The following KIAA0232 variants were observed in gnomAD, a reference collection of about 807,000 sequenced individuals.
The protein encoded by KIAA0232 is KIAA0232.
Under a neutral mutation model 122.0 loss-of-function variants are expected in KIAA0232, and 27 were observed. The ratio of observed to expected loss-of-function variants is 0.22; its 90% CI spans 0.16 to 0.31. The LOEUF is 0.31. KIAA0232 is among the 10% of genes least tolerant of loss of function. The pLI, the probability that KIAA0232 is intolerant of heterozygous loss-of-function variation, is 1.00. For synonymous variants in KIAA0232, 613 were observed against 587.6 expected (o/e 1.04, Z -0.63); for missense variants, 1,551 against 1,634.2 (o/e 0.95, Z 0.88).
rs1266608050 is a variant in KIAA0232, at chr4:6,825,629, G to GA, written c.231+952dup. On this transcript the variant is annotated intron_variant, in intron 3 of 9. Coordinates refer to ENST00000307659, the MANE Select transcript of KIAA0232 (RefSeq NM_014743.3). ...CAAGAGAAACCAAATACAGGTTCTT[G>GA]AAAAAAATGTTAACCTCAGTCTCAT... is the stretch of plus-strand genomic sequence containing the variant. Among the ~76,000 whole-genome samples the GA allele has an allele frequency of 4.6e-5, 7 of 151,996 alleles. 1 individual carries two copies. The South Asian group carries it at 1.0e-3, about 23-fold the overall frequency.
chr4:6,796,522 G>A lies in KIAA0232; in HGVS notation c.-353-8001G>A, dbSNP rs1183919270. On this transcript the variant is annotated intron_variant, in intron 1 of 9. Coordinates refer to ENST00000307659, the MANE Select transcript of KIAA0232 (RefSeq NM_014743.3). ...CTCCCAAAGTGCTGGGATTGCAGGC[G>A]TGAGCCACCACACCCGACCATATTG... 3.9e-5 allele frequency among the ~76,000 whole-genome samples: 6 copies of A among 152,342 alleles called. No individual in the cohort carries two copies. In the Middle Eastern group the frequency reaches 0.014, roughly 345 times the overall value.
In KIAA0232 at chr4:6,791,614, C is replaced by G. The variant is rs528745661; in HGVS notation, c.-354+8773C>G. The stretch of plus-strand genomic sequence containing the variant: ...AAAATGCTGGGATTACAGGCGTAAA[C>G]CACTATGCCTGGACTCAAGCCGACT... On this transcript the variant is annotated intron_variant, in intron 1 of 9. Transcript: ENST00000307659. Among the ~76,000 whole-genome samples the G allele has an allele frequency of 3.9e-5, 6 of 152,246 alleles. No individual in the cohort carries two copies. In the East Asian group the frequency reaches 1.2e-3, roughly 29 times the overall value.
At chr4:6,844,627 G>A (rs1719857029) in intron 4 of KIAA0232, among the ~76,000 whole-genome samples, 1 of 151,974 alleles carries the variant, frequency 6.6e-6, no homozygotes, top group African/African-American at 2.4e-5. Flanking sequence ...GTAGAGATGG[G>A]GTTTCACTGT....
rs199864427 is a variant in KIAA0232 at position 6,855,251 on chromosome 4, A to AT, written c.370-1905dup. 7.7e-3 allele frequency among the ~76,000 whole-genome samples: 1,166 copies of AT among 151,520 alleles called. 16 individuals carry two copies. The highest frequency in any genetic ancestry group is 0.026 in the African/African-American group (1,089 of 41,246). The stretch of plus-strand genomic sequence containing the variant: ...AGGTGCCTGCCACCACGCCCAGCTA[A>AT]TTTTTTTTGTATTTTTAGTAGAAAC... On this transcript the variant is annotated intron_variant, in intron 4 of 9. Coordinates refer to ENST00000307659, the MANE Select transcript of KIAA0232 (RefSeq NM_014743.3). The surrounding 1 kb of genome is among the most constrained non-coding windows in gnomAD (Gnocchi z 4.3).
Position 6,817,421 on chromosome 4 carries a change from T to C in KIAA0232, c.-269-6764T>C, listed in dbSNP as rs369696691. 4.7e-3 allele frequency among the ~76,000 whole-genome samples: 715 copies of C among 152,278 alleles called. 4 individuals are homozygous for C. The highest frequency in any genetic ancestry group is 0.016 in the African/African-American group (669 of 41,548). Reference sequence around the variant, plus strand: ...TTTAGTAGACGGGGTTTCACCGTGTTAGCCAGGATGGTCTCGATCTCCTGA... The same window carrying C: ...TTTAGTAGACGGGGTTTCACCGTGTCAGCCAGGATGGTCTCGATCTCCTGA... On this transcript the variant is annotated intron_variant, in intron 2 of 9. Coordinates refer to ENST00000307659, the MANE Select transcript of KIAA0232 (RefSeq NM_014743.3).
intron 2 of KIAA0232, among the ~76,000 whole-genome samples, chr4:6,810,910 T>A (rs981924120): frequency 6.6e-6 from 1 of 152,152 alleles, no homozygotes; most frequent in South Asian, 2.1e-4. Flanking sequence ...AGAATGGCTA[T>A]TATTAAAAAG....
Position 6,863,529 on chromosome 4 carries a change from A to C in KIAA0232, c.3147A>C (p.Ser1049=), listed in dbSNP as rs747448447. 4 of 1,614,192 alleles carry C rather than the reference A, an allele frequency of 2.5e-6. No individual in the cohort carries two copies. Among genetic ancestry groups the C allele is most frequent in the Non-Finnish European group, 3.4e-6 (4 of 1,180,032 alleles). The change falls in exon 7 of 10, where the codon TCA becomes TCC. Residue 1049 remains serine (S), a synonymous_variant. Transcript: ENST00000307659. The part of the protein sequence containing the change: ...FSSFDLSNPF[S]QVLHVECSFE... Reference sequence around the variant, plus strand: ...CCTTTGACTTAAGCAATCCATTTTCACAAGTTCTTCATGTAGAATGCTCAT... The same window carrying C: ...CCTTTGACTTAAGCAATCCATTTTCCCAAGTTCTTCATGTAGAATGCTCAT...
chr4:6,799,030 G>T (rs1717258610), intron 1 of KIAA0232, among the ~76,000 whole-genome samples: 1 of 152,144 alleles, frequency 6.6e-6, no homozygotes, highest in South Asian at 2.1e-4. Flanking sequence ...CTGGAGGCCA[G>T]AAGTCCAAAA....
intron 8 of KIAA0232, among the ~76,000 whole-genome samples, chr4:6,875,770 A>G (rs1721717247): frequency 6.6e-6 from 1 of 152,214 alleles, no homozygotes; most frequent in Non-Finnish European, 1.5e-5. Flanking sequence ...GCCAGAGTCC[A>G]AAACCCTGGC....
chr4:6,790,915 C>CCT (rs1716862645), intron 1 of KIAA0232, among the ~76,000 whole-genome samples: 3 of 92,940 alleles, frequency 3.2e-5, no homozygotes, highest in African/African-American at 1.4e-4. Context: ...TTTTTATATA[C>CCT]TTTTTTTTTT....
chr4:6,840,962 A>C (rs1719624387), intron 3 of KIAA0232, among the ~76,000 whole-genome samples: 1 of 152,216 alleles, frequency 6.6e-6, no homozygotes, highest in African/African-American at 2.4e-5. Flanking sequence ...GTTATGGTAC[A>C]TTAACGTAGT....
At chr4:6,807,625 C>CCTGTT (rs1717700798) in intron 2 of KIAA0232, among the ~76,000 whole-genome samples, 1 of 152,184 alleles carries the variant, frequency 6.6e-6, no homozygotes, top group East Asian at 1.9e-4. Context: ...TAGTTTATAG[C>CCTGTT]CCTTGGTTCC....
chr4:6,819,906 C>T (rs1718340082), intron 2 of KIAA0232, among the ~76,000 whole-genome samples: 1 of 152,094 alleles, frequency 6.6e-6, no homozygotes, highest in African/African-American at 2.4e-5. Flanking sequence ...CCATGGAATA[C>T]TATGCAGCCA....
At chr4:6,858,531 A>G in intron 6 of KIAA0232, 25 bp downstream of exon 6, 1 of 1,473,738 alleles carries the variant, frequency 6.8e-7, no homozygotes, top group Non-Finnish European at 9.3e-7. Flanking sequence ...ATTCGGTAAT[A>G]AAGTGTGCAT....
intron 8 of KIAA0232, among the ~76,000 whole-genome samples, 182 bp downstream of exon 8, chr4:6,871,864 C>T (rs1382474373): frequency 6.6e-6 from 1 of 152,186 alleles, no homozygotes; most frequent in Non-Finnish European, 1.5e-5. Flanking sequence ...TCTGAAACAG[C>T]CACAATCTGA....
At chr4:6,825,361 G>A (rs898382020) in intron 3 of KIAA0232, among the ~76,000 whole-genome samples, 2 of 152,082 alleles carry the variant, frequency 1.3e-5, no homozygotes, top group East Asian at 1.9e-4. Context: ...GACCAGCCTT[G>A]GCAACATAGA....
intron 3 of KIAA0232, among the ~76,000 whole-genome samples, chr4:6,830,413 T>A (rs914934556): frequency 8.9e-5 from 13 of 146,776 alleles, no homozygotes; most frequent in African/African-American, 3.3e-4. Flanking sequence ...CTTTTTTTTT[T>A]TTTTTTTTTT....
intron 6 of KIAA0232, among the ~76,000 whole-genome samples, 174 bp downstream of exon 6, chr4:6,858,680 A>T (rs1385861306): frequency 6.6e-6 from 1 of 152,236 alleles, no homozygotes; most frequent in African/African-American, 2.4e-5. Context: ...GTGAAACAAG[A>T]TGGTTCTGTC....
chr4:6,807,075 T>TA (rs1717658421), intron 2 of KIAA0232, among the ~76,000 whole-genome samples: 1 of 150,130 alleles, frequency 6.7e-6, no homozygotes, highest in Admixed American at 6.6e-5. Flanking sequence ...TCTATCTATC[T>TA]ATCTATTTAA....
Sources: gnomAD v4.1 joint callset for allele counts (sites outside exome capture counted in the v4.1 genomes callset) on GRCh38, gnomAD v4.1.1 for gene constraint, Gnocchi (gnomAD v3.1) non-coding constraint, MANE v1.5 for transcripts, NCBI Gene and HGNC (gene_info 2026-07-23, HGNC 2026-07-21) for gene names.